The following RRM1 variants were observed in gnomAD, a reference collection of about 807,000 sequenced individuals.
RRM1 encodes the protein ribonucleotide reductase catalytic subunit M1.
RRM1 carries 19 observed loss-of-function variants against 101.5 expected under a neutral mutation model. The observed-to-expected ratio is 0.19, with a 90% CI of 0.13 to 0.27. The LOEUF (loss-of-function observed/expected upper bound fraction) is 0.27. Ranked by LOEUF, RRM1 falls within the 10% of genes least tolerant of loss-of-function variation. The pLI is 1.00. For synonymous variants in RRM1, 298 were observed against 323.4 expected (o/e 0.92, Z 0.84); for missense variants, 500 against 962.9 (o/e 0.52, Z 6.36).
At chr11:4,104,511 C>T (rs1307753105) in intron 2 of RRM1, among the ~76,000 whole-genome samples, 1 of 152,116 alleles carries the variant, frequency 6.6e-6, no homozygotes, top group Non-Finnish European at 1.5e-5. Context: ...CATTACCTGT[C>T]TTAAAAACTG....
chr11:4,132,316 C>A lies in RRM1; in HGVS notation c.1800C>A (p.Ala600=), dbSNP rs757215490. 19 of 1,614,050 alleles carry A rather than the reference C, an allele frequency of 1.2e-5. No individual in the cohort carries two copies. In the Admixed American group the frequency reaches 2.0e-4, roughly 17 times the overall value. Residue 600 remains alanine, a synonymous_variant, in exon 16 of 19, where the codon GCC becomes GCA. Coordinates refer to ENST00000300738, the MANE Select transcript of RRM1 (RefSeq NM_001033.5). The surrounding 1 kb of genome is among the most constrained non-coding windows in gnomAD (Gnocchi z 4.1). ...GTATAAGAAACAGTTTACTTATTGCCCCGATGCCTACAGCTTCCACTGCTC... is the reference window on the plus strand; with the variant it reads ...GTATAAGAAACAGTTTACTTATTGCACCGATGCCTACAGCTTCCACTGCTC... ...KYGIRNSLLI[A]PMPTASTAQI...
At chr11:4,112,337 G>T (rs1185090478) in intron 7 of RRM1, among the ~76,000 whole-genome samples, 6 of 152,098 alleles carry the variant, frequency 3.9e-5, no homozygotes, top group Admixed American at 3.9e-4. Context: ...TTTAAATGGG[G>T]AATTATATTA....
chr11:4,098,995 G>A (rs181359397), intron 1 of RRM1, among the ~76,000 whole-genome samples: 83 of 152,160 alleles, frequency 5.5e-4, no homozygotes, highest in African/African-American at 1.9e-3. Flanking sequence ...GAACATTCTC[G>A]GCAGAGGGAA....
intron 17 of RRM1, 139 bp from the exon 18 acceptor site, chr11:4,134,943 T>A (rs1457014435): frequency 2.1e-5 from 11 of 525,800 alleles, no homozygotes; most frequent in African/African-American, 1.2e-4. Context: ...TTGATAAGGA[T>A]CATATCATAT....
Position 4,121,783 on chromosome 11 carries a change from G to T in RRM1, c.1038+18G>T. On this transcript the variant is annotated intron_variant, in intron 10 of 18. Transcript: ENST00000300738. ...CTAATCAGGTGAGAGATAGGTACTT[G>T]TTGGTAATAGCAACTTGATTCACAT... 6.4e-7 allele frequency: 1 copy of T among 1,572,284 alleles called. No individual in the cohort carries two copies. The highest frequency in any genetic ancestry group is 2.3e-5 in the East Asian group (1 of 44,358).
At chr11:4,130,087 T>TATA (rs869309117) in intron 15 of RRM1, among the ~76,000 whole-genome samples, 1,000 of 61,486 alleles carry the variant, frequency 0.016, 16 homozygotes, top group Non-Finnish European at 0.02. Context: ...TATATATATA[T>TATA]TTTTTTTTTT....
chr11:4,130,822 A>G (rs867417775), intron 15 of RRM1, among the ~76,000 whole-genome samples: 2 of 152,198 alleles, frequency 1.3e-5, no homozygotes. Flanking sequence ...TGAATATATC[A>G]TATATGTAGG....
chr11:4,136,976 C>G (rs1015187141), intron 18 of RRM1: 3 of 165,940 alleles, frequency 1.8e-5, no homozygotes, highest in African/African-American at 7.4e-5. Flanking sequence ...TGACTCTTAA[C>G]GAGCATGCTG....
chr11:4,111,519 G>T, intron 5 of RRM1, 82 bp from the exon 6 acceptor site: 3 of 818,314 alleles, frequency 3.7e-6, no homozygotes, highest in East Asian at 2.6e-5. Context: ...GATTTAAAGA[G>T]ATTGCCTTAT....
Position 4,103,519 on chromosome 11 carries a change from G to T in RRM1, c.108+1438G>T, listed in dbSNP as rs143998027. 2.5e-4 allele frequency among the ~76,000 whole-genome samples: 38 copies of T among 152,322 alleles called. No homozygotes were observed. The East Asian group carries it at 7.0e-3, about 28-fold the overall frequency. On this transcript the variant is annotated intron_variant, in intron 2 of 18. Coordinates refer to ENST00000300738, the MANE Select transcript of RRM1 (RefSeq NM_001033.5). ...TGCAGTAGTACATTTTAGAGCGCAA[G>T]AATGTTGCAGCATCCTCAAACTTCC...
intron 17 of RRM1, among the ~76,000 whole-genome samples, chr11:4,134,568 CTGTG>C (rs138146658): frequency 0.017 from 2,567 of 152,282 alleles, 69 homozygotes; most frequent in African/African-American, 0.059. Context: ...ATTAGCCAGT[CTGTG>C]TGTTTTAATG....
chr11:4,094,768 GT>G (rs1174758655), upstream of RRM1: 8 of 581,444 alleles, frequency 1.4e-5, no homozygotes, highest in African/African-American at 7.4e-5. Flanking sequence ...GGGCCGCAGC[GT>G]CGAGTAACGT....
intron 1 of RRM1, among the ~76,000 whole-genome samples, chr11:4,096,123 T>C (rs1458371196): frequency 6.6e-6 from 1 of 152,184 alleles, no homozygotes; most frequent in Non-Finnish European, 1.5e-5. Context: ...AGTCCTGGGC[T>C]CAAGCGATGC....
intron 3 of RRM1, 168 bp downstream of exon 3, chr11:4,106,391 G>A: frequency 1.6e-6 from 1 of 615,526 alleles, no homozygotes; most frequent in South Asian, 1.9e-5. Flanking sequence ...TTGAGTCCAG[G>A]AGTTTGAGAC....
chr11:4,135,220 G>C lies in RRM1; in HGVS notation c.2140G>C (p.Glu714Gln). ...QSQSLNIHIA[E>Q]PNYGKLTSMH... is the part of the protein sequence containing the mutation. The stretch of plus-strand genomic sequence containing the variant: ...CCAATCTTTGAACATCCACATTGCT[G>C]AGCCTAACTATGGCAAACTCACTAG... Residue 714 changes from glutamate (E) to glutamine (Q), a missense_variant, in exon 18 of 19, where the codon GAG (glutamate) becomes CAG (glutamine). This residue lies in a region of RRM1 where 79 missense variants were observed against 176.4 expected (regional missense o/e 0.45). Coordinates refer to ENST00000300738, the MANE Select transcript of RRM1 (RefSeq NM_001033.5). 1 of 1,613,324 alleles carries C rather than the reference G, an allele frequency of 6.2e-7. No individual in the cohort carries two copies. The highest frequency in any genetic ancestry group is 1.3e-5 in the African/African-American group (1 of 75,050).
At chr11:4,133,914 T>TA (rs1461185431) in intron 17 of RRM1, among the ~76,000 whole-genome samples, 1 of 151,626 alleles carries the variant, frequency 6.6e-6, no homozygotes, top group Non-Finnish European at 1.5e-5. Flanking sequence ...GGGGAGCTTT[T>TA]AAAATCCTGA....
At chr11:4,118,526 G>A in intron 8 of RRM1, 65 bp downstream of exon 8, 1 of 1,578,348 alleles carries the variant, frequency 6.3e-7, no homozygotes, top group Admixed American at 1.7e-5. Flanking sequence ...ATTCATGGTT[G>A]AGAGGGCATA....
At chr11:4,133,302 G>C (rs990382733) in intron 16 of RRM1, among the ~76,000 whole-genome samples, 8 of 152,194 alleles carry the variant, frequency 5.3e-5, no homozygotes, top group African/African-American at 1.9e-4. Flanking sequence ...TCAGCCTCCT[G>C]AGTAGCTGGG....
chr11:4,103,046 G>C (rs10835613), intron 2 of RRM1, among the ~76,000 whole-genome samples: 69,636 of 151,892 alleles, frequency 0.46, 17,643 homozygotes, highest in Non-Finnish European at 0.58. Context: ...CCTTATTTAG[G>C]TATCTTATCC....
Sources: gnomAD v4.1 joint callset for allele counts (sites outside exome capture counted in the v4.1 genomes callset) on GRCh38, gnomAD v4.1.1 for gene constraint, gnomAD v4.1.1 regional missense constraint, Gnocchi (gnomAD v3.1) non-coding constraint, MANE v1.5 for transcripts, NCBI Gene and HGNC (gene_info 2026-07-23, HGNC 2026-07-21) for gene names.